USP48: variants seen among roughly 807,000 people sequenced by gnomAD.
USP48 encodes the protein ubiquitin carboxyl-terminal hydrolase 48.
USP48 carries 43 observed loss-of-function variants against 150.7 expected under a neutral mutation model. The observed-to-expected ratio is 0.29, with a 90% CI of 0.22 to 0.37. The LOEUF is 0.37. Ranked by LOEUF, USP48 falls within the 10% of genes least tolerant of loss-of-function variation. The probability of loss-of-function intolerance (pLI) is 1.00; values close to 1 mark genes in which losing one functional copy is unlikely to be tolerated. For synonymous variants in USP48, 396 were observed against 425.9 expected, an observed-to-expected ratio of 0.93 and a Z score of 0.86; for missense variants, 813 against 1,249.6, an observed-to-expected ratio of 0.65 and a Z score of 5.27.
At chr1:21,773,098 T>C (rs187177960) in intron 1 of USP48, among the ~76,000 whole-genome samples, 201 of 148,554 alleles carry the variant, frequency 1.4e-3, no homozygotes, top group African/African-American at 4.8e-3. Flanking sequence ...TCTACAAAAA[T>C]ACAAAAATTA....
chr1:21,692,561 T>C (rs966876619), intron 23 of USP48, among the ~76,000 whole-genome samples: 1 of 152,216 alleles, frequency 6.6e-6, no homozygotes, highest in Non-Finnish European at 1.5e-5. Flanking sequence ...CGTTCACACA[T>C]TATATTCTGA....
intron 1 of USP48, among the ~76,000 whole-genome samples, chr1:21,762,165 G>A (rs2097851506): frequency 6.6e-6 from 1 of 152,164 alleles, no homozygotes; most frequent in Non-Finnish European, 1.5e-5. Flanking sequence ...TACTTGGGAG[G>A]CTGAAGTGAG....
Position 21,690,993 on chromosome 1 carries a change from G to A in USP48, c.2884-894C>T, listed in dbSNP as rs2097597073. ...AATTTCTGAAGGGTAGGGACCATATGCCCCACCCCAGTTCTGGCCAAGTGT... is the reference window on the plus strand; with the variant it reads ...AATTTCTGAAGGGTAGGGACCATATACCCCACCCCAGTTCTGGCCAAGTGT... On this transcript the variant is annotated intron_variant, in intron 23 of 26. Transcript: ENST00000308271. 2.0e-5 allele frequency among the ~76,000 whole-genome samples: 3 copies of A among 152,062 alleles called. No individual in the cohort carries two copies. In the South Asian group the frequency reaches 6.2e-4, roughly 32 times the overall value.
At chr1:21,706,077 T>G (rs333173) in intron 18 of USP48, 49 bp downstream of exon 18, 445,199 of 1,578,844 alleles carry the variant, frequency 0.28, 67,930 homozygotes, top group Middle Eastern at 0.32. Flanking sequence ...AATACCAGAG[T>G]CAACCAAATC....
Position 21,765,639 on chromosome 1 carries a change from C to T in USP48, c.135-7856G>A, listed in dbSNP as rs1018843845. Among the ~76,000 whole-genome samples, 7 of 151,222 alleles carry T rather than the reference C, an allele frequency of 4.6e-5. No individual in the cohort carries two copies. In the East Asian group the frequency reaches 5.8e-4, roughly 13 times the overall value. On this transcript the variant is annotated intron_variant, in intron 1 of 26. Transcript: ENST00000308271. ...CAAAAAAAAAAAGGGGGGGACAGCC[C>T]GAAGCTGAACAAGGCATGAGACGTT...
At chr1:21,724,320 T>G in intron 11 of USP48, 3 of 605,734 alleles carry the variant, frequency 5.0e-6, no homozygotes, top group Middle Eastern at 4.4e-4. Context: ...GTCTGCACAG[T>G]GCCCTATGAG....
At chr1:21,736,290 A>C (rs2097768835) in intron 9 of USP48, 156 bp downstream of exon 9, 2 of 775,612 alleles carry the variant, frequency 2.6e-6, no homozygotes, top group Non-Finnish European at 3.9e-6. Context: ...AGCATTGCTA[A>C]TACAAGATGT....
intron 6 of USP48, among the ~76,000 whole-genome samples, 194 bp downstream of exon 6, chr1:21,751,313 T>G (rs1363018072): frequency 6.6e-6 from 1 of 152,152 alleles, no homozygotes; most frequent in Non-Finnish European, 1.5e-5. Flanking sequence ...TAACTTGAAA[T>G]AAGCAAAATT....
intron 22 of USP48, among the ~76,000 whole-genome samples, 180 bp from the exon 23 acceptor site, chr1:21,695,401 T>A (rs1268555482): frequency 6.6e-6 from 1 of 152,138 alleles, no homozygotes; most frequent in Non-Finnish European, 1.5e-5. Flanking sequence ...ATAAAATTGA[T>A]AAAAGAAAAT....
chr1:21,735,786 G>C (rs1325728250), intron 9 of USP48, among the ~76,000 whole-genome samples: 1 of 152,104 alleles, frequency 6.6e-6, no homozygotes, highest in Non-Finnish European at 1.5e-5. Flanking sequence ...TACTTGGGAG[G>C]CTGAGGCAGG....
intron 1 of USP48, among the ~76,000 whole-genome samples, chr1:21,773,791 T>C (rs752656617): frequency 9.9e-5 from 15 of 152,058 alleles, no homozygotes; most frequent in Non-Finnish European, 1.6e-4. Context: ...GCACGGGTTG[T>C]ATTATCAAAA....
At chr1:21,724,146 C>T (rs887945354) in intron 11 of USP48, 51 bp from the exon 12 acceptor site, 2 of 1,561,746 alleles carry the variant, frequency 1.3e-6, no homozygotes, top group Non-Finnish European at 1.8e-6. Flanking sequence ...AGTTTTTTGA[C>T]TAAGTGATAC....
At chr1:21,692,585 C>T (rs1032402834) in intron 23 of USP48, among the ~76,000 whole-genome samples, 3 of 152,146 alleles carry the variant, frequency 2.0e-5, no homozygotes, top group Non-Finnish European at 2.9e-5. Flanking sequence ...CGGACAAGGG[C>T]ACTGAGATGC....
intron 14 of USP48, among the ~76,000 whole-genome samples, chr1:21,718,545 T>C (rs1285042057): frequency 6.7e-6 from 1 of 149,882 alleles, no homozygotes; most frequent in Non-Finnish European, 1.5e-5. Context: ...GGGACACTGA[T>C]ATATAAAGAG....
At chr1:21,685,283 A>G (rs367557432) in intron 25 of USP48, among the ~76,000 whole-genome samples, 1 of 147,612 alleles carries the variant, frequency 6.8e-6, no homozygotes, top group Admixed American at 6.7e-5. Context: ...TAAGTATTTA[A>G]TCTTATTTTT....
chr1:21,696,039 T>C (rs1315575099), intron 22 of USP48, among the ~76,000 whole-genome samples: 1 of 152,138 alleles, frequency 6.6e-6, no homozygotes. Flanking sequence ...AATTGGAATA[T>C]AGGGGATATA....
At chr1:21,695,726 A>T (rs2097626841) in intron 22 of USP48, among the ~76,000 whole-genome samples, 1 of 152,210 alleles carries the variant, frequency 6.6e-6, no homozygotes, top group Non-Finnish European at 1.5e-5. Flanking sequence ...AAAAGACCTT[A>T]CATCAGAAAA....
At position 21,728,582 on chromosome 1, in the gene USP48, G is replaced by A; in HGVS notation, c.1438C>T (p.Pro480Ser). 1.9e-6 allele frequency: 3 copies of A among 1,613,774 alleles called. No individual in the cohort carries two copies. Among genetic ancestry groups the A allele is most frequent in the Non-Finnish European group, 2.5e-6 (3 of 1,179,876 alleles). ...ATATCTTACAGACCAGCTCCAGCAGGTAACCTTTGGTACAGCTCCTTAACC... is the reference window on the plus strand; with the variant it reads ...ATATCTTACAGACCAGCTCCAGCAGATAACCTTTGGTACAGCTCCTTAACC... ...EEVKELYQRL[P>S]AGAEPYEFVS... Residue 480 changes from proline to serine, a missense_variant, in exon 11 of 27, where the codon CCT becomes TCT. Transcript: ENST00000308271.
chr1:21,694,951 T>TG (rs1253361698), intron 23 of USP48, 115 bp downstream of exon 23: 1 of 1,192,672 alleles, frequency 8.4e-7, no homozygotes, highest in Non-Finnish European at 1.1e-6. Context: ...TTGAAAACTT[T>TG]AAGTCTTCTG....
Sources: gnomAD v4.1 joint callset for allele counts (sites outside exome capture counted in the v4.1 genomes callset) on GRCh38, gnomAD v4.1.1 for gene constraint, MANE v1.5 for transcripts, NCBI Gene and HGNC (gene_info 2026-07-23, HGNC 2026-07-21) for gene names.